The following SEL1L variants were observed in gnomAD, a reference collection of about 807,000 sequenced individuals.
The protein encoded by SEL1L is protein sel-1 homolog 1.
Under a neutral mutation model 109.8 loss-of-function variants are expected in SEL1L, and 52 were observed. The ratio of observed to expected loss-of-function variants is 0.47; its 90% confidence interval spans 0.38 to 0.60. The LOEUF (loss-of-function observed/expected upper bound fraction) is 0.60, where lower values mean the gene tolerates loss of function less well. Ranked by LOEUF, SEL1L falls within the 20% of genes least tolerant of loss-of-function variation. The pLI, the probability that SEL1L is intolerant of heterozygous loss-of-function variation, is 0.00. For synonymous variants in SEL1L, 373 were observed against 339.6 expected, an observed-to-expected ratio of 1.10 and a Z score of -1.08; for missense variants, 749 against 962.2, an observed-to-expected ratio of 0.78 and a Z score of 2.93.
In SEL1L at chr14:81,489,322, G is replaced by C; in HGVS notation, c.1333-8C>G. 6.2e-7 allele frequency: 1 copy of C among 1,612,686 alleles called. No homozygotes were observed. Among genetic ancestry groups the C allele is most frequent in the African/African-American group, 1.3e-5 (1 of 74,986 alleles). ...CTGTCCAACTGGGTTGCCCTGCAAA[G>C]CAGAGAAATCAGACAAAAGAGTGAA... On this transcript the variant is annotated splice_region_variant and splice_polypyrimidine_tract_variant and intron_variant, in intron 13 of 20. Transcript: ENST00000336735.
intron 3 of SEL1L, among the ~76,000 whole-genome samples, chr14:81,524,020 C>T (rs1475451046): frequency 6.6e-6 from 1 of 152,164 alleles, no homozygotes; most frequent in Admixed American, 6.5e-5. Context: ...CATTTCACAA[C>T]AGTGCAAAGG....
At chr14:81,502,983 T>C (rs1320420847) in intron 5 of SEL1L, 100 bp from the exon 6 acceptor site, 3 of 913,736 alleles carry the variant, frequency 3.3e-6, no homozygotes, top group Non-Finnish European at 4.8e-6. Context: ...TTTCCTTATG[T>C]TACAAAACCC....
In SEL1L at chr14:81,485,703, A is replaced by T. The variant is rs778806466; in HGVS notation, c.1842T>A (p.Ala614=). The change falls in exon 18 of 21, where the codon GCT becomes GCA. Residue 614 remains alanine (A), a synonymous_variant. Transcript: ENST00000336735. ...AGGCGGCCCTGTTCCAATGTAGCAA[A>T]GCTCTGGGATAAGTTTCATTCTCAC... is the stretch of plus-strand genomic sequence containing the variant. ...IVGENETYPR[A]LLHWNRAASQ... 1 of 1,614,108 alleles carries T rather than the reference A, an allele frequency of 6.2e-7. No homozygotes were observed. The highest frequency in any genetic ancestry group is 1.7e-5 in the Admixed American group (1 of 60,016).
chr14:81,519,431 C>T (rs1197645228), intron 3 of SEL1L, among the ~76,000 whole-genome samples: 4 of 152,196 alleles, frequency 2.6e-5, no homozygotes, highest in Non-Finnish European at 4.4e-5. Flanking sequence ...GGTTCCCCAA[C>T]ACAACTGGGA....
intron 20 of SEL1L, 31 bp downstream of exon 20, chr14:81,479,581 A>G (rs1300423666): frequency 6.3e-7 from 1 of 1,581,928 alleles, no homozygotes; most frequent in African/African-American, 1.4e-5. Context: ...CATCATTTAT[A>G]TTTTAATGAA....
Position 81,477,187 on chromosome 14 carries a change from T to C in SEL1L, c.2176-6A>G, listed in dbSNP as rs530683251. The C allele has an allele frequency of 5.6e-6, 9 of 1,609,966 alleles. No homozygotes were observed. Among genetic ancestry groups the C allele is most frequent in the Non-Finnish European group, 7.6e-6 (9 of 1,176,482 alleles). ...TGGGTGAACATATCTCGAATCTTAA[T>C]GAAAATAATATAGAAACCATTATTA... On this transcript the variant is annotated splice_region_variant and splice_polypyrimidine_tract_variant and intron_variant, in intron 20 of 20. Coordinates refer to ENST00000336735, the MANE Select transcript of SEL1L (RefSeq NM_005065.6).
At chr14:81,486,148 A>G (rs1303077478) in intron 17 of SEL1L, 141 bp downstream of exon 17, 3 of 817,344 alleles carry the variant, frequency 3.7e-6, no homozygotes, top group African/African-American at 3.5e-5. Flanking sequence ...TAAAATATTA[A>G]TAACTTAAGC....
At chr14:81,489,422 CTT>C (rs891192994) in intron 13 of SEL1L, 108 bp from the exon 14 acceptor site, 1 of 877,582 alleles carries the variant, frequency 1.1e-6, no homozygotes, top group African/African-American at 1.7e-5. Flanking sequence ...AAAAACATGT[CTT>C]AGTACTTTTC....
intron 3 of SEL1L, among the ~76,000 whole-genome samples, chr14:81,509,709 T>A (rs1459969370): frequency 6.6e-6 from 1 of 152,166 alleles, no homozygotes; most frequent in Non-Finnish European, 1.5e-5. Context: ...CCTTTCATAC[T>A]CTTAGCAAGT....
At chr14:81,481,874 T>C (rs1267345955) in intron 19 of SEL1L, among the ~76,000 whole-genome samples, 1 of 151,814 alleles carries the variant, frequency 6.6e-6, no homozygotes, top group Non-Finnish European at 1.5e-5. Context: ...CTACTAAAAA[T>C]ACAAAAATTA....
At chr14:81,491,366 C>T (rs188547638) in intron 12 of SEL1L, among the ~76,000 whole-genome samples, 7 of 152,268 alleles carry the variant, frequency 4.6e-5, no homozygotes, top group African/African-American at 1.4e-4. Context: ...TGTCTTTATT[C>T]ACATATATGT....
intron 11 of SEL1L, among the ~76,000 whole-genome samples, chr14:81,494,204 C>T (rs1394805428): frequency 6.6e-6 from 1 of 152,210 alleles, no homozygotes; most frequent in African/African-American, 2.4e-5. Context: ...AATGGCAATA[C>T]CATCTTACTG....
chr14:81,479,745 A>C lies in SEL1L; in HGVS notation c.2047-5T>G. The C allele has an allele frequency of 6.3e-7, 1 of 1,596,302 alleles. No homozygotes were observed. The highest frequency in any genetic ancestry group is 1.1e-5 in the South Asian group (1 of 87,578). On this transcript the variant is annotated splice_polypyrimidine_tract_variant and splice_region_variant and intron_variant, in intron 19 of 20. Transcript: ENST00000336735. ...ACGTTTCGCAAGGTGAATATCCTAT[A>C]ATACAGGTAAGAAACAAAAATGCAT...
At chr14:81,513,447 CA>C (rs1884569476) in intron 3 of SEL1L, among the ~76,000 whole-genome samples, 1 of 152,120 alleles carries the variant, frequency 6.6e-6, no homozygotes, top group South Asian at 2.1e-4. Context: ...ACAGGAGGAA[CA>C]AACAACTCCA....
At chr14:81,498,668 CAAG>C (rs779678694) in intron 8 of SEL1L, 174 bp from the exon 9 acceptor site, 1 of 542,848 alleles carries the variant, frequency 1.8e-6, no homozygotes, top group South Asian at 2.8e-5. Flanking sequence ...GCAACTTCAA[CAAG>C]AAGGCCATAG....
intron 19 of SEL1L, among the ~76,000 whole-genome samples, chr14:81,480,563 A>T (rs1418693722): frequency 2.0e-5 from 3 of 152,120 alleles, no homozygotes; most frequent in Non-Finnish European, 2.9e-5. Context: ...ACAAAAAATA[A>T]GCCAAATTAG....
At chr14:81,482,627 A>T (rs555094713) in intron 19 of SEL1L, among the ~76,000 whole-genome samples, 11 of 152,194 alleles carry the variant, frequency 7.2e-5, no homozygotes, top group African/African-American at 1.4e-4. Context: ...AGTGGCAGAG[A>T]TCTTCCAGAA....
chr14:81,484,879 T>A (rs953936460), intron 18 of SEL1L, among the ~76,000 whole-genome samples: 4 of 152,250 alleles, frequency 2.6e-5, no homozygotes, highest in African/African-American at 9.6e-5. Flanking sequence ...ATACTCAACC[T>A]GTACTCCCTT....
In SEL1L at chr14:81,496,672, G is replaced by A. The variant is rs556371909; in HGVS notation, c.1128+1220C>T. Among the ~76,000 whole-genome samples, 7 of 152,324 alleles carry A rather than the reference G, an allele frequency of 4.6e-5. No individual in the cohort carries two copies. The South Asian group carries it at 6.2e-4, about 14-fold the overall frequency. On this transcript the variant is annotated intron_variant, in intron 10 of 20. Transcript: ENST00000336735. ...CAAGAATCGCTTGAACCCGGGAAGC[G>A]GAGGTTGCAGCGAGCTGAGATAGTG...
Sources: allele counts gnomAD v4.1 joint callset (sites outside exome capture counted in the v4.1 genomes callset), GRCh38; gene constraint gnomAD v4.1.1; transcripts MANE v1.5; gene names NCBI Gene and HGNC (gene_info 2026-07-23, HGNC 2026-07-21).